SGCZ: variants seen among roughly 807,000 people sequenced by gnomAD.
The protein encoded by SGCZ is sarcoglycan zeta, also known as zeta-sarcoglycan.
In SGCZ, 40 loss-of-function variants were observed where a neutral mutation model predicts 41.3. The observed-to-expected ratio is 0.97, with a 90% confidence interval of 0.75 to 1.26. SGCZ has a LOEUF of 1.26. Ranked by LOEUF, SGCZ falls within the 50% of genes most tolerant of loss-of-function variation. The pLI is 0.00. For missense variants in SGCZ, 552 were observed against 369.8 expected (o/e 1.49, Z -4.04); for synonymous variants, 206 against 137.5 (o/e 1.50, Z -3.49).
intron 1 of SGCZ, among the ~76,000 whole-genome samples, chr8:15,183,716 C>T (rs1271293254): frequency 6.6e-6 from 1 of 152,046 alleles, no homozygotes; most frequent in East Asian, 1.9e-4. Flanking sequence ...GAAAATATAC[C>T]GGGATAGCTT....
chr8:14,628,647 A>G (rs1806542847), intron 1 of SGCZ, among the ~76,000 whole-genome samples: 1 of 152,080 alleles, frequency 6.6e-6, no homozygotes, highest in South Asian at 2.1e-4. Context: ...TCTATTAGCA[A>G]ATGACAAGAG....
chr8:14,212,035 A>C (rs932796411), intron 4 of SGCZ, among the ~76,000 whole-genome samples: 1 of 152,088 alleles, frequency 6.6e-6, no homozygotes, highest in Non-Finnish European at 1.5e-5. Context: ...CTGTTCCTCT[A>C]TCTGCTATTC....
At chr8:14,784,975 TA>T (rs1800720076) in intron 1 of SGCZ, among the ~76,000 whole-genome samples, 1 of 141,594 alleles carries the variant, frequency 7.1e-6, no homozygotes, top group African/African-American at 2.6e-5. Context: ...ATAATATATA[TA>T]TTTTTTATAT....
chr8:14,234,367 T>A (rs1806681398), intron 4 of SGCZ, among the ~76,000 whole-genome samples: 2 of 151,836 alleles, frequency 1.3e-5, no homozygotes, highest in African/African-American at 4.8e-5. Flanking sequence ...AAGAAAAAGG[T>A]GGGGTACAAG....
At chr8:14,244,605 AG>A (rs1799018441) in intron 3 of SGCZ, among the ~76,000 whole-genome samples, 1 of 151,256 alleles carries the variant, frequency 6.6e-6, no homozygotes, top group Admixed American at 6.6e-5. Flanking sequence ...TGAACTTTAA[AG>A]TAGTTTTTTC....
intron 1 of SGCZ, among the ~76,000 whole-genome samples, chr8:15,123,554 A>G (rs540801759): frequency 6.6e-6 from 1 of 152,318 alleles, no homozygotes; most frequent in African/African-American, 2.4e-5. Flanking sequence ...CAGGGAAGTT[A>G]TTACGATTTG....
chr8:14,939,010 C>T (rs563039312), intron 1 of SGCZ, among the ~76,000 whole-genome samples: 1 of 152,150 alleles, frequency 6.6e-6, no homozygotes, highest in Non-Finnish European at 1.5e-5. Context: ...AAAGCAGGAC[C>T]AAAACAAACA....
At chr8:14,103,255 C>G (rs1348291876) in intron 6 of SGCZ, among the ~76,000 whole-genome samples, 1 of 146,692 alleles carries the variant, frequency 6.8e-6, no homozygotes, top group Non-Finnish European at 1.5e-5. Flanking sequence ...AAACTATCTT[C>G]AAATATAACA....
intron 2 of SGCZ, among the ~76,000 whole-genome samples, chr8:14,486,455 TCTC>T (rs1379761841): frequency 6.6e-6 from 1 of 152,228 alleles, no homozygotes; most frequent in Non-Finnish European, 1.5e-5. Flanking sequence ...TTGCTGGCTG[TCTC>T]CTAAGTAATA....
chr8:14,229,211 T>C (rs951843169), intron 4 of SGCZ, among the ~76,000 whole-genome samples: 2 of 152,114 alleles, frequency 1.3e-5, no homozygotes, highest in African/African-American at 4.8e-5. Context: ...ATATTTCTGT[T>C]TGTAGGACAC....
chr8:14,405,771 A>T (rs1371138993), intron 2 of SGCZ, among the ~76,000 whole-genome samples: 2 of 152,214 alleles, frequency 1.3e-5, no homozygotes, highest in African/African-American at 4.8e-5. Context: ...TTTTTCACTT[A>T]AAATGGTTAA....
At chr8:15,226,968 A>T (rs1280181810) in intron 1 of SGCZ, among the ~76,000 whole-genome samples, 4 of 152,212 alleles carry the variant, frequency 2.6e-5, no homozygotes, top group Non-Finnish European at 5.9e-5. Flanking sequence ...AACAAGACGA[A>T]GAACATACGA....
chr8:14,576,599 C>T (rs1010683913), intron 1 of SGCZ, among the ~76,000 whole-genome samples: 3 of 152,156 alleles, frequency 2.0e-5, no homozygotes, highest in African/African-American at 7.2e-5. Context: ...AGCAGTCAGT[C>T]TCTTGAAAAC....
At chr8:14,288,073 T>C (rs1373417900) in intron 3 of SGCZ, among the ~76,000 whole-genome samples, 1 of 152,100 alleles carries the variant, frequency 6.6e-6, no homozygotes, top group African/African-American at 2.4e-5. Flanking sequence ...ACTGTGAATT[T>C]TTGTGTAGCT....
chr8:14,939,742 T>C (rs1016903435), intron 1 of SGCZ, among the ~76,000 whole-genome samples: 1 of 152,128 alleles, frequency 6.6e-6, no homozygotes, highest in Admixed American at 6.5e-5. Flanking sequence ...AACTCCCAGG[T>C]AAGACCGGCG....
intron 3 of SGCZ, 54 bp from the exon 4 acceptor site, chr8:14,237,733 A>AC: frequency 6.6e-7 from 1 of 1,509,906 alleles, no homozygotes; most frequent in Non-Finnish European, 9.1e-7. Context: ...CGTCAAATTT[A>AC]CAAAAAAATA....
Position 14,431,818 on chromosome 8 carries a change from A to G in SGCZ, c.235-107614T>C, listed in dbSNP as rs1232740370. Among the ~76,000 whole-genome samples, 3 of 152,248 alleles carry G rather than the reference A, an allele frequency of 2.0e-5. No individual in the cohort carries two copies. The East Asian group carries it at 5.8e-4, about 29-fold the overall frequency. On this transcript the variant is annotated intron_variant, in intron 2 of 7. Transcript: ENST00000382080. ...GACTAATATCCAGAATCTACAACCAACTCAACCAAATTAGCAAGAATAAAA... is the reference window on the plus strand; with the variant it reads ...GACTAATATCCAGAATCTACAACCAGCTCAACCAAATTAGCAAGAATAAAA...
chr8:15,149,144 G>A (rs954440165), intron 1 of SGCZ, among the ~76,000 whole-genome samples: 1 of 152,040 alleles, frequency 6.6e-6, no homozygotes, highest in Admixed American at 6.6e-5. Flanking sequence ...CAGAGGCTCT[G>A]GAAACCAGGC....
At chr8:14,114,413 T>G (rs2117019422) in intron 5 of SGCZ, among the ~76,000 whole-genome samples, 1 of 152,098 alleles carries the variant, frequency 6.6e-6, no homozygotes, top group East Asian at 1.9e-4. Context: ...ATAACATTAT[T>G]AATTGTCTTG....
Sources: gnomAD v4.1 joint callset for allele counts (sites outside exome capture counted in the v4.1 genomes callset) on GRCh38, gnomAD v4.1.1 for gene constraint, MANE v1.5 for transcripts, NCBI Gene and HGNC (gene_info 2026-07-23, HGNC 2026-07-21) for gene names.